Variants in PLGRKT observed in about 807,000 individuals in gnomAD.
PLGRKT encodes the protein plasminogen receptor with a C-terminal lysine.
PLGRKT carries 22 observed loss-of-function variants against 18.5 expected under a neutral mutation model. The ratio of observed to expected loss-of-function variants is 1.19; its 90% CI spans 0.85 to 1.70. The LOEUF (loss-of-function observed/expected upper bound fraction) is 1.70. Ranked by LOEUF, PLGRKT falls within the 40% of genes most tolerant of loss-of-function variation. The pLI is 0.00. For missense variants in PLGRKT, 235 were observed against 174.4 expected (o/e 1.35, Z -1.96); for synonymous variants, 72 against 52.8 (o/e 1.36, Z -1.58).
Position 5,418,551 on chromosome 9 carries a change from T to C in PLGRKT, c.81+13346A>G. ...CCGCCACCCCCTGGGGAGCCCTGCC[T>C]TGCAGAGGCTGCTGTCCAGCAGGGA... On this transcript the variant is annotated intron_variant, in intron 3 of 5. Coordinates refer to ENST00000223864, the MANE Select transcript of PLGRKT (RefSeq NM_018465.4). This position sits in a 1 kb window ranked among gnomAD's most constrained non-coding sequence, Gnocchi z 4.2. 1.2e-6 allele frequency: 1 copy of C among 831,626 alleles called. No individual in the cohort carries two copies. The highest frequency in any genetic ancestry group is 2.1e-6 in the Non-Finnish European group (1 of 477,592). 51.5% of individuals were successfully genotyped at this position (831,626 alleles called of 1,614,324 possible).
intron 3 of PLGRKT, among the ~76,000 whole-genome samples, chr9:5,366,274 A>C (rs1817384701): frequency 6.6e-6 from 1 of 152,194 alleles, no homozygotes; most frequent in Admixed American, 6.6e-5. Context: ...CCAATTACTG[A>C]CATTAAAAAC....
At position 5,388,011 on chromosome 9, in the gene PLGRKT, C is replaced by T. The variant is rs538479911; in HGVS notation, c.82-26123G>A. ...TAGGTGACATGATGTGTCAAGCAGG[C>T]AGTTTGGTATAGCAGTCTGTAGTTA... On this transcript the variant is annotated intron_variant, in intron 3 of 5. Transcript: ENST00000223864. Among the ~76,000 whole-genome samples, 62 of 151,902 alleles carry T rather than the reference C, an allele frequency of 4.1e-4. 2 individuals are homozygous for T. The highest frequency in any genetic ancestry group is 1.5e-3 in the African/African-American group (60 of 41,252).
At chr9:5,398,733 T>C (rs938492128) in intron 3 of PLGRKT, among the ~76,000 whole-genome samples, 1 of 151,946 alleles carries the variant, frequency 6.6e-6, no homozygotes, top group Admixed American at 6.5e-5. Flanking sequence ...AATTATATCA[T>C]GTTTAAAAAC....
chr9:5,404,691 G>A (rs1818222192), intron 3 of PLGRKT, among the ~76,000 whole-genome samples: 1 of 152,164 alleles, frequency 6.6e-6, no homozygotes. Flanking sequence ...GGCAAAAGCT[G>A]GAAGCATTCC....
intron 3 of PLGRKT, among the ~76,000 whole-genome samples, chr9:5,397,439 G>C (rs542205335): frequency 6.6e-6 from 1 of 151,864 alleles, no homozygotes; most frequent in Admixed American, 6.5e-5. Context: ...TTAAACGTAG[G>C]CTGTATATGA....
Position 5,418,486 on chromosome 9 carries a change from A to G in PLGRKT, c.81+13411T>C. 1 of 1,106,688 alleles carries G rather than the reference A, an allele frequency of 9.0e-7. No individual in the cohort carries two copies. The highest frequency in any genetic ancestry group is 1.4e-6 in the Non-Finnish European group (1 of 725,010). The allele number at this position is 1,106,688 out of a possible 1,614,324, so 68.6% of individuals were successfully genotyped here. ...GATGACAGTGCACACCCTCAACCAC[A>G]TGGAGCTTTTCACCATGCCCCGCCT... On this transcript the variant is annotated intron_variant, in intron 3 of 5. Coordinates refer to ENST00000223864, the MANE Select transcript of PLGRKT (RefSeq NM_018465.4). The surrounding 1 kb of genome is among the most constrained non-coding windows in gnomAD (Gnocchi z 4.2).
chr9:5,367,350 C>A (rs1050468028), intron 3 of PLGRKT, among the ~76,000 whole-genome samples: 1 of 152,046 alleles, frequency 6.6e-6, no homozygotes, highest in Admixed American at 6.6e-5. Flanking sequence ...CACTATAGGG[C>A]TATAATAACC....
chr9:5,399,336 CT>C (rs1237684633), intron 3 of PLGRKT, among the ~76,000 whole-genome samples: 10 of 152,026 alleles, frequency 6.6e-5, no homozygotes, highest in African/African-American at 1.2e-4. Flanking sequence ...AGTTTCCCCC[CT>C]GATAAAATAT....
intron 3 of PLGRKT, among the ~76,000 whole-genome samples, chr9:5,421,909 A>G (rs994130573): frequency 1.3e-5 from 2 of 152,234 alleles, no homozygotes; most frequent in Non-Finnish European, 2.9e-5. Flanking sequence ...ACAACTGATT[A>G]AAGAGTTTAT....
intron 3 of PLGRKT, among the ~76,000 whole-genome samples, chr9:5,395,977 T>C (rs1421179846): frequency 7.0e-6 from 1 of 143,346 alleles, no homozygotes; most frequent in African/African-American, 2.6e-5. Flanking sequence ...CACTGCAACC[T>C]CCACCTCCCG....
At chr9:5,359,923 T>G (rs555735023) in intron 5 of PLGRKT, among the ~76,000 whole-genome samples, 1 of 152,224 alleles carries the variant, frequency 6.6e-6, no homozygotes, top group African/African-American at 2.4e-5. Context: ...AAAATATGTA[T>G]CATAATAAAA....
chr9:5,387,591 G>C lies in PLGRKT; in HGVS notation c.82-25703C>G, dbSNP rs550858543. On this transcript the variant is annotated intron_variant, in intron 3 of 5. Coordinates refer to ENST00000223864, the MANE Select transcript of PLGRKT (RefSeq NM_018465.4). ...CCCATATATAAGGAGCGTTAAAATA[G>C]GCAAAATTAATTTATGGGGATAGAA... Among the ~76,000 whole-genome samples, 3 of 151,930 alleles carry C rather than the reference G, an allele frequency of 2.0e-5. No individual in the cohort carries two copies. In the South Asian group the frequency reaches 6.2e-4, roughly 31 times the overall value.
At chr9:5,367,061 A>G (rs1014954084) in intron 3 of PLGRKT, among the ~76,000 whole-genome samples, 1 of 146,314 alleles carries the variant, frequency 6.8e-6, no homozygotes, top group Non-Finnish European at 1.5e-5. Context: ...ACACACACAC[A>G]CACACACCCC....
At chr9:5,419,073 G>A (rs1455910999) in intron 3 of PLGRKT, 1 of 303,722 alleles carries the variant, frequency 3.3e-6, no homozygotes, top group Non-Finnish European at 6.4e-6. Context: ...AGGTCATGGG[G>A]AGCTCAGACA....
intron 5 of PLGRKT, among the ~76,000 whole-genome samples, chr9:5,359,670 C>A (rs911309049): frequency 7.4e-4 from 113 of 152,234 alleles, no homozygotes; most frequent in African/African-American, 2.6e-3. Context: ...CTATAATCTA[C>A]ATTTTCTAAT....
intron 2 of PLGRKT, among the ~76,000 whole-genome samples, chr9:5,433,748 C>T (rs1818887632): frequency 7.3e-6 from 1 of 136,490 alleles, no homozygotes. Context: ...GTGAGGAGCG[C>T]CTTTGCCCGG....
At chr9:5,367,020 T>A (rs28794888) in intron 3 of PLGRKT, among the ~76,000 whole-genome samples, 1 of 58,162 alleles carries the variant, frequency 1.7e-5, no homozygotes, top group African/African-American at 5.9e-5. Context: ...GACAGACAGA[T>A]ACACACACAT....
chr9:5,375,441 T>C (rs1049719521), intron 3 of PLGRKT, among the ~76,000 whole-genome samples: 4 of 152,110 alleles, frequency 2.6e-5, no homozygotes, highest in African/African-American at 9.7e-5. Context: ...GTGTGCCCAG[T>C]ATCAAATAAA....
At chr9:5,358,403 T>C in intron 5 of PLGRKT, 43 bp from the exon 6 acceptor site, 1 of 1,600,344 alleles carries the variant, frequency 6.2e-7, no homozygotes, top group South Asian at 1.1e-5. Flanking sequence ...AAAGGGGTCA[T>C]CAGCAATTTG....
Sources: allele counts gnomAD v4.1 joint callset (sites outside exome capture counted in the v4.1 genomes callset), GRCh38; gene constraint gnomAD v4.1.1; non-coding constraint Gnocchi (gnomAD v3.1); transcripts MANE v1.5; gene names NCBI Gene and HGNC (gene_info 2026-07-23, HGNC 2026-07-21).